The following ITPR2 variants were observed in gnomAD, a reference collection of about 807,000 sequenced individuals.
The protein encoded by ITPR2 is inositol 1,4,5-trisphosphate-gated calcium channel ITPR2.
Under a neutral mutation model 317.1 loss-of-function variants are expected in ITPR2, and 207 were observed. The ratio of observed to expected loss-of-function variants is 0.65; its 90% CI spans 0.58 to 0.73. The LOEUF (loss-of-function observed/expected upper bound fraction) is 0.73, where lower values mean the gene tolerates loss of function less well. ITPR2 is among the 30% of genes least tolerant of loss of function. The probability of loss-of-function intolerance (pLI) is 0.00; values close to 1 mark genes in which losing one functional copy is unlikely to be tolerated. For missense variants in ITPR2, 2,613 were observed against 3,284.0 expected, an observed-to-expected ratio of 0.80 and a Z score of 4.99; for synonymous variants, 1,156 against 1,149.1, an observed-to-expected ratio of 1.01 and a Z score of -0.12.
chr12:26,680,616 G>A (rs1948010364), intron 13 of ITPR2, among the ~76,000 whole-genome samples: 1 of 152,108 alleles, frequency 6.6e-6, no homozygotes, highest in African/African-American at 2.4e-5. Flanking sequence ...TTTGTTACCT[G>A]ATTTATCAGA....
chr12:26,530,821 A>AT (rs1400177489), intron 37 of ITPR2, among the ~76,000 whole-genome samples: 1 of 152,212 alleles, frequency 6.6e-6, no homozygotes, highest in East Asian at 1.9e-4. Flanking sequence ...TTCTTTTCTC[A>AT]TTTTGAGTTG....
intron 36 of ITPR2, among the ~76,000 whole-genome samples, chr12:26,551,982 C>A (rs940762391): frequency 6.6e-6 from 1 of 152,130 alleles, no homozygotes; most frequent in Non-Finnish European, 1.5e-5. Context: ...GAGAAAGAGA[C>A]CAATGATGGC....
intron 21 of ITPR2, among the ~76,000 whole-genome samples, chr12:26,637,110 G>C (rs1049760299): frequency 6.6e-6 from 1 of 152,126 alleles, no homozygotes; most frequent in Non-Finnish European, 1.5e-5. Context: ...TACATATCAT[G>C]TGCCACATAC....
intron 46 of ITPR2, among the ~76,000 whole-genome samples, chr12:26,442,827 A>G (rs1941516744): frequency 2.0e-5 from 3 of 152,276 alleles, no homozygotes; most frequent in Non-Finnish European, 4.4e-5. Flanking sequence ...AGTAAAAAAT[A>G]TCTGCCAAAA....
chr12:26,637,682 C>T (rs911722094), intron 21 of ITPR2, among the ~76,000 whole-genome samples: 1 of 152,168 alleles, frequency 6.6e-6, no homozygotes, highest in Non-Finnish European at 1.5e-5. Flanking sequence ...TTTCGCTACA[C>T]CTCTGAAAAA....
intron 54 of ITPR2, among the ~76,000 whole-genome samples, chr12:26,397,335 T>C (rs960924139): frequency 6.6e-6 from 1 of 151,790 alleles, no homozygotes; most frequent in Admixed American, 6.6e-5. Flanking sequence ...TCCTGGCCTT[T>C]CTGCTTGTAC....
intron 2 of ITPR2, among the ~76,000 whole-genome samples, chr12:26,747,602 A>T (rs1053613392): frequency 6.6e-6 from 1 of 152,184 alleles, no homozygotes; most frequent in Admixed American, 6.5e-5. Flanking sequence ...TTCTGTTTTT[A>T]CTGCTACACT....
intron 35 of ITPR2, among the ~76,000 whole-genome samples, chr12:26,557,914 G>A (rs1003882380): frequency 1.3e-5 from 2 of 152,004 alleles, no homozygotes; most frequent in Non-Finnish European, 2.9e-5. Context: ...CATAGCTATG[G>A]CATATTTTTA....
At chr12:26,652,316 A>G (rs554302484) in intron 21 of ITPR2, among the ~76,000 whole-genome samples, 1 of 152,184 alleles carries the variant, frequency 6.6e-6, no homozygotes, top group African/African-American at 2.4e-5. Flanking sequence ...CTGTGGTTCA[A>G]TTGGCTTCTT....
At chr12:26,521,513 G>A (rs933951639) in intron 37 of ITPR2, among the ~76,000 whole-genome samples, 2 of 152,114 alleles carry the variant, frequency 1.3e-5, no homozygotes, top group Admixed American at 6.5e-5. Context: ...GGGGCCCCTC[G>A]AGTCTTTCCA....
intron 21 of ITPR2, chr12:26,649,507 T>C (rs989829241): frequency 1.3e-5 from 2 of 152,216 alleles, no homozygotes; most frequent in Non-Finnish European, 2.9e-5. Flanking sequence ...CTGAATTGCA[T>C]ATTGCATTTA....
At chr12:26,463,296 T>TTCCA (rs1314152978) in intron 45 of ITPR2, among the ~76,000 whole-genome samples, 1 of 152,216 alleles carries the variant, frequency 6.6e-6, no homozygotes, top group African/African-American at 2.4e-5. Context: ...TTCTGTGCTA[T>TTCCA]TTGTCTCTGC....
intron 50 of ITPR2, among the ~76,000 whole-genome samples, chr12:26,416,789 T>C (rs1212762593): frequency 2.0e-5 from 3 of 152,224 alleles, no homozygotes; most frequent in Non-Finnish European, 4.4e-5. Context: ...TGTGGCTTAT[T>C]AAATTTATTT....
Position 26,832,942 on chromosome 12 carries a change from G to T in ITPR2, c.-161C>A. The stretch of plus-strand genomic sequence containing the variant: ...CCGAGCCACTGAGCGTCGCGGCTCA[G>T]CCGTGCGTGCGCGCCGGGGAAGCCA... On this transcript the variant is annotated 5_prime_UTR_variant, in exon 1 of 57. In the 5' UTR this introduces an upstream ATG that the reference lacks. Transcript: ENST00000381340. 1 of 591,892 alleles carries T rather than the reference G, an allele frequency of 1.7e-6. No individual in the cohort carries two copies. Among genetic ancestry groups the T allele is most frequent in the Non-Finnish European group, 2.9e-6 (1 of 346,312 alleles). 36.7% of individuals were successfully genotyped at this position (591,892 alleles called of 1,614,324 possible).
intron 37 of ITPR2, among the ~76,000 whole-genome samples, chr12:26,519,692 A>T (rs550701669): frequency 1.5e-4 from 23 of 152,358 alleles, no homozygotes; most frequent in African/African-American, 5.3e-4. Context: ...TGTAGAGACA[A>T]AATATTTAGA....
At chr12:26,625,765 T>G (rs141593968) in intron 23 of ITPR2, among the ~76,000 whole-genome samples, 1 of 152,174 alleles carries the variant, frequency 6.6e-6, no homozygotes, top group Non-Finnish European at 1.5e-5. Context: ...AAAATATACA[T>G]ACAATTAGCC....
In ITPR2 at chr12:26,600,034, T is replaced by A. The variant is rs748386553; in HGVS notation, c.3754A>T (p.Asn1252Tyr). ...AGATGTTTATGAAGAAGAACTTGAT[T>A]CTGTGGATTTCCTCGACAGAAATTC... ...LQNFCRGNPQNQVLLHKHLNL... is the reference protein window; with the variant it reads ...LQNFCRGNPQYQVLLHKHLNL... The change falls in exon 29 of 57, where the codon AAT becomes TAT. Residue 1252 changes from asparagine to tyrosine, a missense_variant. Physicochemically the swap from Asn to Tyr is moderately radical, Grantham distance 143. Around this residue, in one of 9 missense-constraint regions of ITPR2, gnomAD observed 817 missense variants for 897.6 expected, o/e 0.91. Coordinates refer to ENST00000381340, the MANE Select transcript of ITPR2 (RefSeq NM_002223.4). The A allele has an allele frequency of 6.2e-7, 1 of 1,606,510 alleles. No individual in the cohort carries two copies. Among genetic ancestry groups the A allele is most frequent in the Non-Finnish European group, 8.5e-7 (1 of 1,173,348 alleles).
intron 16 of ITPR2, among the ~76,000 whole-genome samples, chr12:26,658,790 A>G (rs998758178): frequency 6.6e-6 from 1 of 152,228 alleles, no homozygotes. Context: ...GGATAATAAT[A>G]TACAACCAGT....
At chr12:26,471,835 A>G (rs1942297136) in intron 45 of ITPR2, among the ~76,000 whole-genome samples, 1 of 152,232 alleles carries the variant, frequency 6.6e-6, no homozygotes, top group Admixed American at 6.5e-5. Flanking sequence ...GCATATCCAC[A>G]ATGAAAACAG....
Sources: gnomAD v4.1 joint callset for allele counts (sites outside exome capture counted in the v4.1 genomes callset) on GRCh38, gnomAD v4.1.1 for gene constraint, gnomAD v4.1.1 regional missense constraint, MANE v1.5 for transcripts, NCBI Gene and HGNC (gene_info 2026-07-23, HGNC 2026-07-21) for gene names.